Variants in KALRN observed in about 807,000 individuals in gnomAD.
KALRN encodes kalirin.
KALRN carries 70 observed loss-of-function variants against 353.7 expected under a neutral mutation model. The ratio of observed to expected loss-of-function variants is 0.20; its 90% CI spans 0.16 to 0.24. KALRN has a LOEUF of 0.24. KALRN is among the 10% of genes least tolerant of loss of function. The pLI is 1.00. For missense variants in KALRN, 2,791 were observed against 3,756.7 expected (o/e 0.74, Z 6.72); for synonymous variants, 1,391 against 1,434.8 (o/e 0.97, Z 0.69).
chr3:124,578,798 A>C (rs6438847), intron 34 of KALRN, among the ~76,000 whole-genome samples: 62,954 of 151,158 alleles, frequency 0.42, 14,241 homozygotes, highest in East Asian at 0.78. Flanking sequence ...GAATCCAAAT[A>C]TGGGGGTGAG....
At chr3:124,654,109 A>G (rs1301849404) in intron 38 of KALRN, among the ~76,000 whole-genome samples, 1 of 152,206 alleles carries the variant, frequency 6.6e-6, no homozygotes, top group Admixed American at 6.5e-5. Context: ...TCCCAGCCCC[A>G]TATTCCCACT....
intron 34 of KALRN, among the ~76,000 whole-genome samples, chr3:124,610,974 C>T (rs572687875): frequency 6.6e-6 from 1 of 152,226 alleles, no homozygotes; most frequent in South Asian, 2.1e-4. Context: ...TGCAGTGAAC[C>T]AGGCATGCCA....
chr3:124,690,906 G>A (rs2150569265), intron 51 of KALRN, among the ~76,000 whole-genome samples: 1 of 152,340 alleles, frequency 6.6e-6, no homozygotes, highest in African/African-American at 2.4e-5. Context: ...ACACTGGAAA[G>A]AAAGATTGCG....
intron 47 of KALRN, among the ~76,000 whole-genome samples, chr3:124,668,665 T>G (rs1388527418): frequency 6.6e-6 from 1 of 152,214 alleles, no homozygotes; most frequent in East Asian, 1.9e-4. Context: ...TAAAAAAAAT[T>G]TGGTGAAAAA....
At chr3:124,563,411 A>T (rs570365604) in intron 34 of KALRN, among the ~76,000 whole-genome samples, 1 of 152,242 alleles carries the variant, frequency 6.6e-6, no homozygotes, top group Admixed American at 6.5e-5. Context: ...GTCCTCTTCT[A>T]CCTTTGGCCA....
chr3:124,462,672 C>T (rs778778057), intron 25 of KALRN, 39 bp downstream of exon 25: 31 of 1,197,732 alleles, frequency 2.6e-5, no homozygotes, highest in South Asian at 6.3e-5. Context: ...ACACTTAGGC[C>T]GTAAAAACCA....
chr3:124,135,075 A>G (rs2065767085), intron 1 of KALRN, among the ~76,000 whole-genome samples: 1 of 152,232 alleles, frequency 6.6e-6, no homozygotes, highest in Non-Finnish European at 1.5e-5. Context: ...ATACTTGCAC[A>G]CGCATGGTTA....
At chr3:124,110,857 C>T (rs1205787472) in intron 1 of KALRN, among the ~76,000 whole-genome samples, 3 of 152,156 alleles carry the variant, frequency 2.0e-5, no homozygotes, top group Non-Finnish European at 4.4e-5. Context: ...TTATCAAAGT[C>T]TTCTGGGGCA....
At chr3:124,688,662 G>A (rs1012267868) in intron 51 of KALRN, among the ~76,000 whole-genome samples, 2 of 152,052 alleles carry the variant, frequency 1.3e-5, no homozygotes, top group East Asian at 3.9e-4. Flanking sequence ...ACGTAGTTTT[G>A]AGCTCTGTTT....
intron 1 of KALRN, chr3:124,152,152 G>T (rs2068197395): frequency 2.2e-6 from 3 of 1,390,556 alleles, no homozygotes; most frequent in African/African-American, 2.8e-5. Flanking sequence ...TCCTGCAGAT[G>T]ATGCAAGAGA....
At chr3:124,478,971 A>G (rs1244447813) in intron 27 of KALRN, among the ~76,000 whole-genome samples, 1 of 152,194 alleles carries the variant, frequency 6.6e-6, no homozygotes, top group Non-Finnish European at 1.5e-5. Context: ...TAAAGGTCAC[A>G]TGCTGCTTCC....
intron 1 of KALRN, chr3:124,094,607 C>A (rs1359690784): frequency 1.7e-6 from 1 of 573,958 alleles, no homozygotes; most frequent in Non-Finnish European, 3.2e-6. Flanking sequence ...CAGGCAGGCT[C>A]GGTCTGCACA....
intron 34 of KALRN, among the ~76,000 whole-genome samples, chr3:124,593,401 C>T (rs1172236013): frequency 1.3e-5 from 2 of 152,182 alleles, no homozygotes; most frequent in African/African-American, 4.8e-5. Context: ...TGCCCCGCCT[C>T]ACCCCACAAC....
At chr3:124,169,030 G>T (rs1463148105) in intron 1 of KALRN, among the ~76,000 whole-genome samples, 1 of 152,216 alleles carries the variant, frequency 6.6e-6, no homozygotes, top group Non-Finnish European at 1.5e-5. Flanking sequence ...TTGAGTCACA[G>T]GACCTTGATC....
At chr3:124,301,656 A>G (rs2077276959) in intron 6 of KALRN, among the ~76,000 whole-genome samples, 1 of 152,156 alleles carries the variant, frequency 6.6e-6, no homozygotes, top group African/African-American at 2.4e-5. Flanking sequence ...AGGTGAAAAG[A>G]GGGAATTACA....
At chr3:124,482,117 G>T (rs1335133213) in intron 27 of KALRN, among the ~76,000 whole-genome samples, 1 of 152,232 alleles carries the variant, frequency 6.6e-6, no homozygotes, top group Non-Finnish European at 1.5e-5. Flanking sequence ...CATGAGTGAT[G>T]AGGGTGATGT....
Position 124,264,581 on chromosome 3 carries a change from C to T in KALRN, c.347C>T (p.Thr116Met), listed in dbSNP as rs750456225. The change falls in exon 4 of 60, where the codon ACG becomes ATG. Residue 116 changes from threonine (T) to methionine (M), a missense_variant. By Grantham distance (81) the Thr-to-Met change is moderately conservative (BLOSUM62 -1). This residue lies in a region of KALRN where 110 missense variants were observed against 204.1 expected (regional missense o/e 0.54). Coordinates refer to ENST00000682506, the MANE Select transcript of KALRN (RefSeq NM_001388419.1). Reference sequence around the variant, plus strand: ...GACCTCATCAAGCCCCTCCTCAAAACGCTGCAGGAAGCCTTTCCAGCTGAG... The same window carrying T: ...GACCTCATCAAGCCCCTCCTCAAAATGCTGCAGGAAGCCTTTCCAGCTGAG... ...KWDLIKPLLK[T>M]LQEAFPAEIH... The T allele has an allele frequency of 1.4e-5, 23 of 1,614,030 alleles. No individual in the cohort carries two copies. The highest frequency in any genetic ancestry group is 5.0e-5 in the Admixed American group (3 of 60,004).
At chr3:124,426,361 G>T (rs2093020862) in intron 15 of KALRN, among the ~76,000 whole-genome samples, 1 of 152,092 alleles carries the variant, frequency 6.6e-6, no homozygotes, top group Non-Finnish European at 1.5e-5. Flanking sequence ...GAAAGAAAAA[G>T]GACACTTTAA....
At chr3:124,184,201 A>G (rs1184336127) in intron 1 of KALRN, among the ~76,000 whole-genome samples, 1 of 152,196 alleles carries the variant, frequency 6.6e-6, no homozygotes. Context: ...TGCCTCCACC[A>G]CTTAGTAGCT....
Sources: gnomAD v4.1 joint callset for allele counts (sites outside exome capture counted in the v4.1 genomes callset) on GRCh38, gnomAD v4.1.1 for gene constraint, gnomAD v4.1.1 regional missense constraint, MANE v1.5 for transcripts, NCBI Gene and HGNC (gene_info 2026-07-23, HGNC 2026-07-21) for gene names.